The following RFC5 variants were observed in gnomAD, a reference collection of about 807,000 sequenced individuals.
RFC5 encodes replication factor C subunit 5.
A neutral mutation model predicts 44.3 loss-of-function variants in RFC5; 26 were observed. That is an observed-to-expected ratio of 0.59 (90% CI 0.43 to 0.81). The LOEUF (loss-of-function observed/expected upper bound fraction) is 0.81, where lower values mean the gene tolerates loss of function less well. RFC5 is among the 40% of genes least tolerant of loss of function. RFC5 has a pLI of 0.00. For synonymous variants in RFC5, 155 were observed against 155.2 expected, an observed-to-expected ratio of 1.00 and a Z score of 0.01; for missense variants, 328 against 418.6, an observed-to-expected ratio of 0.78 and a Z score of 1.89.
chr12:118,031,005 G>A (rs1167510994), intron 10 of RFC5, among the ~76,000 whole-genome samples, 177 bp from the exon 11 acceptor site: 1 of 152,140 alleles, frequency 6.6e-6, no homozygotes, highest in African/African-American at 2.4e-5. Context: ...CAATGTGTAG[G>A]GCAGAGAAGA....
rs928382457 is a variant in RFC5, at chr12:118,019,241, G to A, written c.130+105G>A. ...TAATAACTTCAAAGAATCTGATTGC[G>A]CTTTGTAGAATGTGGCTTTAAGATC... On this transcript the variant is annotated intron_variant, in intron 2 of 10. Coordinates refer to ENST00000454402, the MANE Select transcript of RFC5 (RefSeq NM_007370.7). The surrounding 1 kb of genome is among the most constrained non-coding windows in gnomAD (Gnocchi z 4.2). The A allele has an allele frequency of 9.1e-5, 78 of 853,848 alleles. No individual in the cohort carries two copies. The highest frequency in any genetic ancestry group is 4.9e-5 in the East Asian group (2 of 40,824). The allele number at this position is 853,848 out of a possible 1,614,324, so 52.9% of individuals were successfully genotyped here. A position where few individuals can be genotyped will look rare whatever the true frequency, so the allele number is the denominator to read the frequency against.
chr12:118,024,166 C>A (rs2137715031), intron 5 of RFC5, among the ~76,000 whole-genome samples: 1 of 151,976 alleles, frequency 6.6e-6, no homozygotes, highest in Non-Finnish European at 1.5e-5. Flanking sequence ...ATGGTGAAAC[C>A]CCGTCTCTAC....
chr12:118,019,719 G>A lies in RFC5; in HGVS notation c.218G>A (p.Cys73Tyr). The change falls in exon 3 of 11, where the codon TGT becomes TAT. Residue 73 changes from cysteine (C) to tyrosine (Y), a missense_variant. Physicochemically the swap from Cys to Tyr is radical, Grantham distance 194 (BLOSUM62 -2). Coordinates refer to ENST00000454402, the MANE Select transcript of RFC5 (RefSeq NM_007370.7). This position sits in a 1 kb window ranked among gnomAD's most constrained non-coding sequence, Gnocchi z 4.2. ...GTGKTSTILA[C>Y]AKQLYKDKEF... Reference sequence around the variant, plus strand: ...GGCAAGACATCTACCATCCTAGCCTGTGCGAAACAGCTATATAAAGACAAA... The same window carrying A: ...GGCAAGACATCTACCATCCTAGCCTATGCGAAACAGCTATATAAAGACAAA... 1.2e-6 allele frequency: 2 copies of A among 1,614,060 alleles called. No individual in the cohort carries two copies.
At chr12:118,038,470 A>G in the RFC5 span, 1 of 1,314,094 alleles carries the variant, frequency 7.6e-7, no homozygotes, top group Non-Finnish European at 1.1e-6. Flanking sequence ...GGGTGGTAAC[A>G]GCCCCCAGCC....
downstream of RFC5, chr12:118,034,571 A>AGT (rs952871702): frequency 2.8e-4 from 129 of 457,046 alleles, 1 homozygote; most frequent in African/African-American, 3.2e-3. Context: ...GTGATACCAA[A>AGT]GCGCTCTCTC....
chr12:118,035,658 T>G (rs2031494644), downstream of RFC5: 2 of 211,124 alleles, frequency 9.5e-6, no homozygotes, highest in South Asian at 2.1e-4. Context: ...TATTATTTGC[T>G]TCATAAAACA....
At chr12:118,034,959 C>T (rs2031472444), downstream of RFC5, 2 of 1,600,916 alleles carry the variant, frequency 1.2e-6, no homozygotes, top group Non-Finnish European at 8.6e-7. Flanking sequence ...AAAGCACCAC[C>T]CATCTGTTCA....
downstream of RFC5, chr12:118,036,217 T>G (rs1159988772): frequency 8.4e-7 from 1 of 1,190,442 alleles, no homozygotes; most frequent in East Asian, 2.4e-5. Context: ...AGACCCACTG[T>G]GCCTTTTTAT....
At chr12:118,034,592 T>TCTCTCTCTCTCTCTCTCTCTCTCTCTC, downstream of RFC5, 1 of 548,274 alleles carries the variant, frequency 1.8e-6, no homozygotes, top group Admixed American at 3.3e-5. Flanking sequence ...TGTCTCTCTC[T>TCTCTCTCTCTCTCTCTCTCTCTCTCTC]CGGCACAGCC....
At chr12:118,038,473 C>T in the RFC5 span, 5 of 1,306,602 alleles carry the variant, frequency 3.8e-6, no homozygotes, top group Non-Finnish European at 5.4e-6. Flanking sequence ...TGGTAACAGC[C>T]CCCAGCCCAG....
At chr12:118,035,487 AAG>A (rs1483356757), downstream of RFC5, among the ~76,000 whole-genome samples, 1 of 152,192 alleles carries the variant, frequency 6.6e-6, no homozygotes, top group African/African-American at 2.4e-5. Flanking sequence ...TGGGAAAAAA[AAG>A]GGTATCTCAG....
chr12:118,040,156 C>T, the RFC5 span, among the ~76,000 whole-genome samples: 179 of 152,168 alleles, frequency 1.2e-3, 1 homozygote, highest in African/African-American at 4.1e-3. Context: ...CCATGCAACA[C>T]AGTGAGACTC....
chr12:118,021,944 A>G (rs2030526396), intron 4 of RFC5, among the ~76,000 whole-genome samples: 1 of 152,098 alleles, frequency 6.6e-6, no homozygotes, highest in African/African-American at 2.4e-5. Context: ...GCAACAGAGC[A>G]AAAACTTAGT....
the RFC5 span, among the ~76,000 whole-genome samples, chr12:118,040,654 CAA>C: frequency 2.8e-4 from 34 of 119,906 alleles, no homozygotes; most frequent in Admixed American, 2.6e-4. Context: ...GGCTCTGTCT[CAA>C]AAAAAAAAAA....
downstream of RFC5, chr12:118,035,733 G>A: frequency 5.5e-6 from 1 of 180,632 alleles, no homozygotes; most frequent in Non-Finnish European, 1.2e-5. Flanking sequence ...GGAAAGCACA[G>A]TTTCGATAAG....
downstream of RFC5, chr12:118,034,535 T>G: frequency 1.4e-6 from 1 of 705,534 alleles, no homozygotes; most frequent in Non-Finnish European, 2.2e-6. Context: ...AAGCTGCTGA[T>G]AGGATTAGAA....
At chr12:118,040,340 C>T in the RFC5 span, among the ~76,000 whole-genome samples, 2,025 of 152,180 alleles carry the variant, frequency 0.013, 18 homozygotes, top group Non-Finnish European at 0.018. Context: ...TACTCCATCC[C>T]GCCCACTCTT....
Position 118,017,016 on chromosome 12 carries a change from AG to A in RFC5, c.65+125del, listed in dbSNP as rs2030131368. ...CTCTTCCCGTCGTCTCCAGGCCTGC[AG>A]CCGGGACCGACCTGCAGAGGTTTCC... On this transcript the variant is annotated intron_variant, in intron 1 of 10. Transcript: ENST00000454402. The A allele has an allele frequency of 3.9e-6, 3 of 774,786 alleles. No individual in the cohort carries two copies. The African/African-American group carries it at 5.2e-5, about 13-fold the overall frequency. 48.0% of individuals were successfully genotyped at this position (774,786 alleles called of 1,614,324 possible). A position where few individuals can be genotyped will look rare whatever the true frequency, so the allele number is the denominator to read the frequency against.
At chr12:118,025,043 G>T in intron 6 of RFC5, 33 bp downstream of exon 6, 1 of 1,600,478 alleles carries the variant, frequency 6.2e-7, no homozygotes, top group East Asian at 2.2e-5. Flanking sequence ...GGGATGGAGT[G>T]TAGTAGAAAC....
Sources: gnomAD v4.1 joint callset for allele counts (sites outside exome capture counted in the v4.1 genomes callset) on GRCh38, gnomAD v4.1.1 for gene constraint, Gnocchi (gnomAD v3.1) non-coding constraint, MANE v1.5 for transcripts, NCBI Gene and HGNC (gene_info 2026-07-23, HGNC 2026-07-21) for gene names.